The following KCNQ5 variants were observed in gnomAD, a reference collection of about 807,000 sequenced individuals.
The protein encoded by KCNQ5 is potassium voltage-gated channel subfamily Q member 5, also known as potassium voltage-gated channel subfamily KQT member 5.
KCNQ5 carries 30 observed loss-of-function variants against 98.2 expected under a neutral mutation model. That is an observed-to-expected ratio of 0.31 (90% CI 0.23 to 0.41). The LOEUF is 0.41. KCNQ5 is among the 10% of genes least tolerant of loss of function. The pLI, the probability that KCNQ5 is intolerant of heterozygous loss-of-function variation, is 1.00. For missense variants in KCNQ5, 835 were observed against 1,182.5 expected, an observed-to-expected ratio of 0.71 and a Z score of 4.31; for synonymous variants, 458 against 449.4, an observed-to-expected ratio of 1.02 and a Z score of -0.24.
intron 1 of KCNQ5, among the ~76,000 whole-genome samples, chr6:72,788,010 A>G (rs1773846581): frequency 6.6e-6 from 1 of 152,172 alleles, no homozygotes; most frequent in Admixed American, 6.5e-5. Context: ...GCCTTAGACA[A>G]CTTACATTCC....
In KCNQ5 at chr6:73,173,892, CAG is replaced by C. The variant is rs565422605; in HGVS notation, c.1577+4040_1577+4041del. Among the ~76,000 whole-genome samples the C allele has an allele frequency of 3.5e-4, 53 of 151,940 alleles. 1 individual carries two copies. Among genetic ancestry groups the C allele is most frequent in the African/African-American group, 1.2e-3 (49 of 41,390 alleles). ...AGAATAATAACTTTTTTAAATATAA[CAG>C]AAATTGTATTTATGTACTGAACAGG... On this transcript the variant is annotated intron_variant, in intron 11 of 13. Coordinates refer to ENST00000370398, the MANE Select transcript of KCNQ5 (RefSeq NM_019842.4).
intron 2 of KCNQ5, among the ~76,000 whole-genome samples, chr6:73,039,949 G>A (rs888902557): frequency 5.3e-5 from 8 of 151,734 alleles, no homozygotes; most frequent in African/African-American, 1.9e-4. Flanking sequence ...CTTAACATTT[G>A]TCTATTTTTC....
At chr6:73,079,623 G>A (rs993715536) in intron 5 of KCNQ5, among the ~76,000 whole-genome samples, 1 of 152,190 alleles carries the variant, frequency 6.6e-6, no homozygotes, top group African/African-American at 2.4e-5. Context: ...AGTTATCTAA[G>A]TAAATGTCTA....
At chr6:73,194,339 A>C in intron 13 of KCNQ5, 113 bp from the exon 14 acceptor site, 1 of 900,848 alleles carries the variant, frequency 1.1e-6, no homozygotes, top group Non-Finnish European at 1.7e-6. Context: ...CTTTATATTC[A>C]ATATTTCTTT....
chr6:73,007,413 T>C (rs1328320820), intron 2 of KCNQ5, among the ~76,000 whole-genome samples: 1 of 152,154 alleles, frequency 6.6e-6, no homozygotes, highest in Non-Finnish European at 1.5e-5. Flanking sequence ...CTGTTAAAAG[T>C]GAATAGGAGG....
At chr6:73,124,748 G>A (rs989528080) in intron 9 of KCNQ5, 11 of 541,948 alleles carry the variant, frequency 2.0e-5, no homozygotes, top group Admixed American at 3.4e-5. Flanking sequence ...GGAACATTTG[G>A]AGGTGGGGGA....
chr6:73,182,613 C>T (rs1167534878), intron 11 of KCNQ5, among the ~76,000 whole-genome samples: 2 of 152,132 alleles, frequency 1.3e-5, no homozygotes, highest in African/African-American at 4.8e-5. Context: ...CTTTTGAATT[C>T]GTAGTTGATA....
chr6:73,085,090 T>C (rs1452977259), intron 5 of KCNQ5, among the ~76,000 whole-genome samples: 1 of 152,108 alleles, frequency 6.6e-6, no homozygotes, highest in Non-Finnish European at 1.5e-5. Flanking sequence ...GAAAAATCAA[T>C]GAATATCTAT....
At chr6:73,153,271 C>G (rs2150483398) in intron 10 of KCNQ5, among the ~76,000 whole-genome samples, 1 of 152,220 alleles carries the variant, frequency 6.6e-6, no homozygotes, top group Admixed American at 6.5e-5. Flanking sequence ...TTCCCACTTC[C>G]AAAATTATGT....
At chr6:72,778,093 A>C (rs113679576) in intron 1 of KCNQ5, among the ~76,000 whole-genome samples, 7 of 152,302 alleles carry the variant, frequency 4.6e-5, no homozygotes, top group African/African-American at 1.7e-4. Flanking sequence ...CTCTAGCATA[A>C]GTGGAAAAGT....
At chr6:72,965,982 G>GTGCC (rs1767591214) in intron 1 of KCNQ5, among the ~76,000 whole-genome samples, 1 of 152,164 alleles carries the variant, frequency 6.6e-6, no homozygotes, top group Admixed American at 6.5e-5. Flanking sequence ...GGAGGTTAAA[G>GTGCC]TGCCTGCCCA....
intron 1 of KCNQ5, among the ~76,000 whole-genome samples, chr6:72,657,879 C>T (rs558214316): frequency 3.3e-5 from 5 of 152,208 alleles, no homozygotes; most frequent in African/African-American, 1.2e-4. Context: ...TGTGACTTCT[C>T]CAACCTCACT....
At chr6:73,180,160 T>G (rs1778356211) in intron 11 of KCNQ5, among the ~76,000 whole-genome samples, 1 of 152,188 alleles carries the variant, frequency 6.6e-6, no homozygotes, top group African/African-American at 2.4e-5. Context: ...ACCATTGTCT[T>G]GCACCATGCT....
At chr6:73,045,986 A>C (rs1771940556) in intron 3 of KCNQ5, among the ~76,000 whole-genome samples, 2 of 152,188 alleles carry the variant, frequency 1.3e-5, no homozygotes, top group African/African-American at 4.8e-5. Flanking sequence ...ACAAAAGAGG[A>C]ATAAAATAAA....
intron 1 of KCNQ5, among the ~76,000 whole-genome samples, chr6:72,857,539 C>G (rs749989975): frequency 6.6e-6 from 1 of 152,154 alleles, no homozygotes; most frequent in Non-Finnish European, 1.5e-5. Context: ...TCAATTGCCT[C>G]AGTAATGACC....
chr6:72,808,178 G>A (rs566441635), intron 1 of KCNQ5, among the ~76,000 whole-genome samples: 3 of 152,174 alleles, frequency 2.0e-5, no homozygotes, highest in South Asian at 2.1e-4. Context: ...GGAGAGAAGC[G>A]GACTGATTTG....
At chr6:73,139,732 A>G (rs1375140986) in intron 10 of KCNQ5, among the ~76,000 whole-genome samples, 2 of 152,166 alleles carry the variant, frequency 1.3e-5, no homozygotes, top group African/African-American at 4.8e-5. Context: ...TTTCAATCAT[A>G]TAATCCTTCC....
chr6:72,943,019 C>A (rs539955727), intron 1 of KCNQ5, among the ~76,000 whole-genome samples: 1 of 152,288 alleles, frequency 6.6e-6, no homozygotes, highest in South Asian at 2.1e-4. Context: ...TTATCCTTTT[C>A]ATGATCATAC....
chr6:72,974,437 G>A (rs1285130874), intron 1 of KCNQ5, among the ~76,000 whole-genome samples: 1 of 149,536 alleles, frequency 6.7e-6, no homozygotes. Context: ...GGAAAATAAC[G>A]CATTTTTTCT....
Sources: allele counts gnomAD v4.1 joint callset (sites outside exome capture counted in the v4.1 genomes callset), GRCh38; gene constraint gnomAD v4.1.1; transcripts MANE v1.5; gene names NCBI Gene and HGNC (gene_info 2026-07-23, HGNC 2026-07-21).